Variants in ERBIN observed in about 807,000 individuals in gnomAD.
ERBIN encodes erbb2 interacting protein, also known as densin-180-like protein.
Under a neutral mutation model 158.4 loss-of-function variants are expected in ERBIN, and 60 were observed. The observed-to-expected ratio is 0.38, with a 90% CI of 0.31 to 0.47. ERBIN has a LOEUF of 0.47. Ranked by LOEUF, ERBIN falls within the 20% of genes least tolerant of loss-of-function variation. The pLI, the probability that ERBIN is intolerant of heterozygous loss-of-function variation, is 0.99. For synonymous variants in ERBIN, 594 were observed against 557.2 expected (o/e 1.07, Z -0.93); for missense variants, 1,610 against 1,648.0 (o/e 0.98, Z 0.40).
intron 1 of ERBIN, among the ~76,000 whole-genome samples, chr5:65,946,162 C>G (rs1353257571): frequency 1.3e-5 from 2 of 151,962 alleles, no homozygotes; most frequent in Non-Finnish European, 2.9e-5. Flanking sequence ...CTCAAGAGTT[C>G]AAGACCAGCC....
chr5:65,962,981 A>G (rs1371141481), intron 1 of ERBIN, among the ~76,000 whole-genome samples: 1 of 152,164 alleles, frequency 6.6e-6, no homozygotes, highest in African/African-American at 2.4e-5. Flanking sequence ...TTTGTTTTCC[A>G]GATGATCTGT....
intron 1 of ERBIN, among the ~76,000 whole-genome samples, chr5:65,965,792 CATGGCACATAACACA>C (rs1748551014): frequency 2.0e-5 from 3 of 152,162 alleles, no homozygotes; most frequent in Non-Finnish European, 4.4e-5. Flanking sequence ...GTTTTTAGTT[CATGGCACATAACACA>C]ATCTGAATTT....
At chr5:65,946,332 C>T (rs1309208629) in intron 1 of ERBIN, among the ~76,000 whole-genome samples, 1 of 151,980 alleles carries the variant, frequency 6.6e-6, no homozygotes, top group Non-Finnish European at 1.5e-5. Flanking sequence ...CCACTGCACT[C>T]CAGCCTGGGT....
At chr5:65,990,332 A>G (rs1425973830) in intron 2 of ERBIN, among the ~76,000 whole-genome samples, 4 of 151,838 alleles carry the variant, frequency 2.6e-5, no homozygotes, top group Admixed American at 2.0e-4. Flanking sequence ...GAGTCTGCAT[A>G]TAGTTTATCT....
At chr5:65,936,221 TA>T (rs779994704) in intron 1 of ERBIN, among the ~76,000 whole-genome samples, 37 of 152,156 alleles carry the variant, frequency 2.4e-4, no homozygotes, top group Non-Finnish European at 5.0e-4. Flanking sequence ...ACTAGTGATC[TA>T]AAAATGAATC....
chr5:66,069,030 TAC>T, intron 21 of ERBIN: 1 of 1,519,990 alleles, frequency 6.6e-7, no homozygotes. Flanking sequence ...AGTGAGTACC[TAC>T]ACTAGACCAA....
intron 21 of ERBIN, among the ~76,000 whole-genome samples, chr5:66,062,329 C>T (rs542459693): frequency 5.3e-5 from 8 of 152,328 alleles, no homozygotes; most frequent in South Asian, 2.1e-4. Flanking sequence ...TCCAGTTGAT[C>T]GCATCAGTTA....
chr5:66,040,921 T>A (rs944187311), intron 15 of ERBIN, among the ~76,000 whole-genome samples: 2 of 151,370 alleles, frequency 1.3e-5, no homozygotes, highest in African/African-American at 4.9e-5. Context: ...AGGGGTGAGA[T>A]CTTGGGCCTA....
At chr5:66,016,750 A>G (rs902903730) in intron 7 of ERBIN, among the ~76,000 whole-genome samples, 66 of 151,718 alleles carry the variant, frequency 4.4e-4, no homozygotes, top group African/African-American at 1.6e-3. Context: ...AGTGGCTGGG[A>G]CTATAAGCAT....
chr5:65,970,836 G>T (rs2150985520), intron 1 of ERBIN, among the ~76,000 whole-genome samples: 1 of 152,214 alleles, frequency 6.6e-6, no homozygotes. Context: ...CTCAACTCCT[G>T]CCTCAGCTGG....
Position 66,075,075 on chromosome 5 carries a change from T to A in ERBIN, c.3808T>A (p.Tyr1270Asn). Residue 1270 changes from tyrosine to asparagine, a missense_variant, in exon 23 of 26, where the codon TAT (tyrosine) becomes AAT (asparagine). Around this residue, in one of 2 missense-constraint regions of ERBIN, gnomAD observed 1,014 missense variants for 936.1 expected, o/e 1.08. Coordinates refer to ENST00000284037, the MANE Select transcript of ERBIN (RefSeq NM_001253697.2). ...CCAGCCTCTCAGGCCTCAGGCAAAT[T>A]ATAGTCAAATACATCACCCCCCTCA... The part of the protein sequence containing the change: ...MGQPLRPQAN[Y>N]SQIHHPPQAS... 6.2e-7 allele frequency: 1 copy of A among 1,614,100 alleles called. No homozygotes were observed. Among genetic ancestry groups the A allele is most frequent in the Middle Eastern group, 1.6e-4 (1 of 6,062 alleles).
chr5:66,031,558 A>G (rs145038086), intron 14 of ERBIN, among the ~76,000 whole-genome samples: 22 of 152,328 alleles, frequency 1.4e-4, no homozygotes, highest in African/African-American at 5.0e-4. Context: ...GGGGCTGGGT[A>G]TGGTGGTTCA....
At chr5:65,943,687 CTTT>C (rs1745360305) in intron 1 of ERBIN, among the ~76,000 whole-genome samples, 1 of 152,102 alleles carries the variant, frequency 6.6e-6, no homozygotes, top group African/African-American at 2.4e-5. Flanking sequence ...TTCTTCTGAA[CTTT>C]TTTGTTGTGA....
At position 66,048,780 on chromosome 5, in the gene ERBIN, A is replaced by G; in HGVS notation, c.1902A>G (p.Lys634=). 1 of 1,561,774 alleles carries G rather than the reference A, an allele frequency of 6.4e-7. No homozygotes were observed. The highest frequency in any genetic ancestry group is 8.7e-7 in the Non-Finnish European group (1 of 1,152,190). The change falls in exon 19 of 26, where the codon AAA becomes AAG. Residue 634 remains lysine, a splice_region_variant and synonymous_variant. Transcript: ENST00000284037. Reference sequence around the variant, plus strand: ...TCGTAGCACTTAGTAATAACAAAAAAGGTTAGATGTTAAAGGAAAGTGCTA... The same window carrying G: ...TCGTAGCACTTAGTAATAACAAAAAGGGTTAGATGTTAAAGGAAAGTGCTA... The part of the protein sequence containing the change: ...PKVVALSNNK[K]DDTKETDSLS...
At chr5:66,063,796 TTC>T (rs1464687628) in intron 21 of ERBIN, among the ~76,000 whole-genome samples, 2 of 152,208 alleles carry the variant, frequency 1.3e-5, no homozygotes, top group Non-Finnish European at 2.9e-5. Flanking sequence ...TTGAATAATT[TTC>T]TGTTAAATAT....
intron 1 of ERBIN, among the ~76,000 whole-genome samples, chr5:65,977,304 C>T (rs1242032460): frequency 2.0e-5 from 3 of 151,406 alleles, no homozygotes; most frequent in Non-Finnish European, 2.9e-5. Flanking sequence ...GCTGACCCCC[C>T]CACCTCCCTC....
chr5:66,022,219 C>T (rs1228979551), intron 8 of ERBIN, among the ~76,000 whole-genome samples: 2 of 152,018 alleles, frequency 1.3e-5, no homozygotes, highest in Non-Finnish European at 2.9e-5. Context: ...TGCTGTGCTT[C>T]CCAAATTATT....
In ERBIN at chr5:66,072,149, T is replaced by A; in HGVS notation, c.3634-20T>A. 4 of 1,545,544 alleles carry A rather than the reference T, an allele frequency of 2.6e-6. No individual in the cohort carries two copies. The highest frequency in any genetic ancestry group is 3.5e-6 in the Non-Finnish European group (4 of 1,145,068). On this transcript the variant is annotated intron_variant, in intron 21 of 25. Transcript: ENST00000284037. Reference sequence around the variant, plus strand: ...TCTTAAAGAACATTATTTGTTTACTTTTTATTTCCTGCTCATTAGAAGCAT... The same window carrying A: ...TCTTAAAGAACATTATTTGTTTACTATTTATTTCCTGCTCATTAGAAGCAT...
chr5:66,009,884 T>C (rs1754024838), intron 4 of ERBIN, among the ~76,000 whole-genome samples: 2 of 152,120 alleles, frequency 1.3e-5, no homozygotes, highest in Admixed American at 6.5e-5. Flanking sequence ...GAAAAATAAA[T>C]TACCAAAATC....
Sources: gnomAD v4.1 joint callset for allele counts (sites outside exome capture counted in the v4.1 genomes callset) on GRCh38, gnomAD v4.1.1 for gene constraint, gnomAD v4.1.1 regional missense constraint, MANE v1.5 for transcripts, NCBI Gene and HGNC (gene_info 2026-07-23, HGNC 2026-07-21) for gene names.